GRID2: variants seen among roughly 807,000 people sequenced by gnomAD.
GRID2 encodes the protein glutamate ionotropic receptor delta type subunit 2.
A neutral mutation model predicts 114.8 loss-of-function variants in GRID2; 33 were observed. The observed-to-expected ratio is 0.29, with a 90% CI of 0.22 to 0.38. The LOEUF is 0.38. Ranked by LOEUF, GRID2 falls within the 10% of genes least tolerant of loss-of-function variation. The probability of loss-of-function intolerance (pLI) is 1.00; values close to 1 mark genes in which losing one functional copy is unlikely to be tolerated. For synonymous variants in GRID2, 505 were observed against 449.9 expected (o/e 1.12, Z -1.55); for missense variants, 1,184 against 1,257.7 (o/e 0.94, Z 0.89).
intron 1 of GRID2, among the ~76,000 whole-genome samples, chr4:92,551,782 T>C (rs889860993): frequency 1.3e-5 from 2 of 152,010 alleles, no homozygotes; most frequent in Non-Finnish European, 2.9e-5. Flanking sequence ...AAGCTGAGGA[T>C]TGCTGCAGTA....
chr4:92,749,853 TATTGATTG>T (rs113146808), intron 2 of GRID2, among the ~76,000 whole-genome samples: 198 of 151,942 alleles, frequency 1.3e-3, no homozygotes, highest in Admixed American at 3.1e-3. Flanking sequence ...CCTCACATTT[TATTGATTG>T]ATTGATTGAT....
chr4:93,765,474 A>G (rs1438167491), intron 14 of GRID2, among the ~76,000 whole-genome samples: 1 of 152,024 alleles, frequency 6.6e-6, no homozygotes, highest in Non-Finnish European at 1.5e-5. Context: ...TGAAGCACCT[A>G]GAGAGGGTGC....
intron 1 of GRID2, among the ~76,000 whole-genome samples, chr4:92,365,520 G>C (rs923362960): frequency 6.6e-6 from 1 of 151,880 alleles, no homozygotes; most frequent in African/African-American, 2.4e-5. Context: ...TGAGGGAATG[G>C]AAAGTTCCTG....
At position 93,409,245 on chromosome 4, in the gene GRID2, G is replaced by A. The variant is rs140183828; in HGVS notation, c.1348-13526G>A. ...ATGTGAAGTCACTCAATAATGAGTC[G>A]TTTCCTGAATACCCAGAGGTAAAGA... On this transcript the variant is annotated intron_variant, in intron 9 of 15. Coordinates refer to ENST00000282020, the MANE Select transcript of GRID2 (RefSeq NM_001510.4). Among the ~76,000 whole-genome samples, 152 of 152,238 alleles carry A rather than the reference G, an allele frequency of 1.0e-3. 3 individuals are homozygous for A. The highest frequency in any genetic ancestry group is 3.4e-3 in the Middle Eastern group (1 of 294).
intron 1 of GRID2, among the ~76,000 whole-genome samples, chr4:92,406,781 CT>C (rs1731046401): frequency 6.6e-6 from 1 of 151,432 alleles, no homozygotes; most frequent in African/African-American, 2.4e-5. Flanking sequence ...TTAGCTCCTA[CT>C]TATAAGTAAG....
At chr4:92,541,379 A>G (rs1725940569) in intron 1 of GRID2, among the ~76,000 whole-genome samples, 1 of 152,046 alleles carries the variant, frequency 6.6e-6, no homozygotes, top group Admixed American at 6.6e-5. Context: ...AAAGAAATCA[A>G]AAAATGTTTT....
chr4:92,630,100 A>G (rs372521056), intron 2 of GRID2, among the ~76,000 whole-genome samples: 5 of 152,022 alleles, frequency 3.3e-5, no homozygotes, highest in African/African-American at 9.7e-5. Context: ...AATATTGTCT[A>G]TGTTCCCACT....
intron 2 of GRID2, among the ~76,000 whole-genome samples, chr4:92,798,887 T>C (rs1560598864): frequency 1.3e-5 from 2 of 151,998 alleles, no homozygotes; most frequent in Admixed American, 6.6e-5. Flanking sequence ...AAATAGCAGT[T>C]AAAATGTTCA....
chr4:93,373,838 G>T (rs1763141431), intron 8 of GRID2, among the ~76,000 whole-genome samples: 1 of 152,188 alleles, frequency 6.6e-6, no homozygotes, highest in Non-Finnish European at 1.5e-5. Context: ...AGAAATGCCA[G>T]CCGGGAAAGG....
chr4:92,666,654 T>C (rs199727058), intron 2 of GRID2, among the ~76,000 whole-genome samples: 1 of 135,000 alleles, frequency 7.4e-6, no homozygotes, highest in Non-Finnish European at 1.6e-5. Context: ...AGGGTTGTTT[T>C]TTTTTTTTTT....
At chr4:93,052,095 A>G (rs1726774604) in intron 2 of GRID2, among the ~76,000 whole-genome samples, 1 of 152,052 alleles carries the variant, frequency 6.6e-6, no homozygotes, top group Non-Finnish European at 1.5e-5. Flanking sequence ...GTTTTTAAAC[A>G]GATTATGAAT....
chr4:92,688,069 G>A (rs866874603), intron 2 of GRID2, among the ~76,000 whole-genome samples: 26 of 67,294 alleles, frequency 3.9e-4, no homozygotes, highest in African/African-American at 1.3e-3. Flanking sequence ...TTTTTTTTGG[G>A]ATGGAGTTTC....
chr4:92,490,593 A>G (rs570044720), intron 1 of GRID2, among the ~76,000 whole-genome samples: 52 of 152,270 alleles, frequency 3.4e-4, no homozygotes, highest in Admixed American at 3.3e-3. Flanking sequence ...CTATAACTCT[A>G]TCATATTGAA....
At chr4:92,546,191 G>A (rs1418908237) in intron 1 of GRID2, among the ~76,000 whole-genome samples, 2 of 152,102 alleles carry the variant, frequency 1.3e-5, no homozygotes, top group African/African-American at 2.4e-5. Context: ...AATTACAGAA[G>A]TCTCTTTGAT....
chr4:92,856,486 T>C (rs1353841003), intron 2 of GRID2, among the ~76,000 whole-genome samples: 2 of 152,144 alleles, frequency 1.3e-5, no homozygotes, highest in Non-Finnish European at 2.9e-5. Flanking sequence ...AAAATACAAG[T>C]AAATTTGTGT....
At chr4:93,329,909 CG>C (rs1215940924) in intron 8 of GRID2, among the ~76,000 whole-genome samples, 2 of 122,658 alleles carry the variant, frequency 1.6e-5, no homozygotes, top group African/African-American at 3.3e-5. Flanking sequence ...AGACTTATTG[CG>C]AAAAAAAAAA....
chr4:93,134,820 T>A (rs921243562), intron 4 of GRID2, among the ~76,000 whole-genome samples: 2 of 152,146 alleles, frequency 1.3e-5, no homozygotes, highest in Non-Finnish European at 2.9e-5. Context: ...CCAGTGGCTA[T>A]AAGAAGCAAT....
chr4:92,838,606 C>G (rs1742645821), intron 2 of GRID2, among the ~76,000 whole-genome samples: 1 of 152,108 alleles, frequency 6.6e-6, no homozygotes, highest in Admixed American at 6.6e-5. Flanking sequence ...GCTGAACAAG[C>G]TTGCATGTAC....
chr4:93,589,208 C>A (rs1285838077), intron 13 of GRID2, among the ~76,000 whole-genome samples: 108 of 125,324 alleles, frequency 8.6e-4, no homozygotes, highest in Non-Finnish European at 1.5e-3. Context: ...CCCCTCCCCC[C>A]ACCCCACAAC....
Sources: gnomAD v4.1 joint callset for allele counts (sites outside exome capture counted in the v4.1 genomes callset) on GRCh38, gnomAD v4.1.1 for gene constraint, MANE v1.5 for transcripts, NCBI Gene and HGNC (gene_info 2026-07-23, HGNC 2026-07-21) for gene names.